The following NR2C2 variants were observed in gnomAD, a reference collection of about 807,000 sequenced individuals.
The protein encoded by NR2C2 is nuclear receptor subfamily 2 group C member 2, also known as Nuclear hormone receptor TR4.
In NR2C2, 6 loss-of-function variants were observed where a neutral mutation model predicts 62.9. The ratio of observed to expected loss-of-function variants is 0.10; its 90% CI spans 0.05 to 0.19. NR2C2 has a LOEUF of 0.19. Among genes scored for constraint, NR2C2 ranks in the 10% least tolerant of loss-of-function variants. The probability of loss-of-function intolerance (pLI) is 1.00; values close to 1 mark genes in which losing one functional copy is unlikely to be tolerated. For synonymous variants in NR2C2, 272 were observed against 273.8 expected, an observed-to-expected ratio of 0.99 and a Z score of 0.07; for missense variants, 479 against 762.7, an observed-to-expected ratio of 0.63 and a Z score of 4.38.
chr3:15,021,052 G>C lies in NR2C2; in HGVS notation c.556+120G>C. On this transcript the variant is annotated intron_variant, in intron 5 of 13. Coordinates refer to ENST00000425241, the MANE Select transcript of NR2C2 (RefSeq NM_001291694.2). ...CTTTAAGAAAAAAATATGCACTCAG[G>C]CTTCATTTTGGTTTACCTCATGGGT... is the stretch of plus-strand genomic sequence containing the variant. 6.0e-6 allele frequency: 6 copies of C among 992,760 alleles called. No individual in the cohort carries two copies. The South Asian group carries it at 1.0e-4, about 17-fold the overall frequency. The allele number at this position is 992,760 out of a possible 1,614,324, so 61.5% of individuals were successfully genotyped here.
intron 1 of NR2C2, among the ~76,000 whole-genome samples, chr3:14,992,295 C>G (rs1298355835): frequency 2.6e-5 from 4 of 151,946 alleles, no homozygotes; most frequent in African/African-American, 7.3e-5. Flanking sequence ...CATAAACCCC[C>G]CTGTGTCGGT....
intron 2 of NR2C2, chr3:15,004,492 A>G: frequency 7.0e-7 from 1 of 1,434,528 alleles, no homozygotes; most frequent in Admixed American, 2.2e-5. Flanking sequence ...TAATTATATA[A>G]TAACTTATTA....
intron 1 of NR2C2, among the ~76,000 whole-genome samples, chr3:14,980,145 C>T (rs879270338): frequency 5.9e-5 from 9 of 151,776 alleles, no homozygotes; most frequent in Admixed American, 4.6e-4. Flanking sequence ...TACTCTTTTC[C>T]GGCATTGGGG....
In NR2C2 at chr3:15,028,728, C is replaced by G; in HGVS notation, c.932+9C>G. On this transcript the variant is annotated intron_variant, in intron 8 of 13. Coordinates refer to ENST00000425241, the MANE Select transcript of NR2C2 (RefSeq NM_001291694.2). ...GCAAGTGAGATAACTCGGTACGAGC[C>G]CATGAGGATGGAGTCTCCCCTCCTC... 6.2e-7 allele frequency: 1 copy of G among 1,612,874 alleles called. No homozygotes were observed. Among genetic ancestry groups the G allele is most frequent in the Non-Finnish European group, 8.5e-7 (1 of 1,179,028 alleles).
chr3:15,020,490 A>G (rs2041641247), intron 4 of NR2C2, among the ~76,000 whole-genome samples: 1 of 152,242 alleles, frequency 6.6e-6, no homozygotes, highest in Non-Finnish European at 1.5e-5. Flanking sequence ...CACTAAGGTC[A>G]TGCCATCTGC....
chr3:14,973,552 T>C (rs1476610896), intron 1 of NR2C2, among the ~76,000 whole-genome samples: 3 of 152,178 alleles, frequency 2.0e-5, no homozygotes, highest in African/African-American at 4.8e-5. Context: ...TTTTAGAGTT[T>C]TAGCTCTACA....
rs577043208 is a variant in NR2C2 at position 14,981,690 on chromosome 3, GA to G, written c.-39-22184del. Among the ~76,000 whole-genome samples the G allele has an allele frequency of 2.5e-3, 387 of 152,066 alleles. 1 individual carries two copies. Among genetic ancestry groups the G allele is most frequent in the African/African-American group, 8.7e-3 (361 of 41,458 alleles). Reference sequence around the variant, plus strand: ...GGCCATCTGCAAGCTGAGGAGCAAGGAAGTCAGTCCGAGTCCCAAGTCCTCA... The same window carrying G: ...GGCCATCTGCAAGCTGAGGAGCAAGGAGTCAGTCCGAGTCCCAAGTCCTCA... On this transcript the variant is annotated intron_variant, in intron 1 of 13. Coordinates refer to ENST00000425241, the MANE Select transcript of NR2C2 (RefSeq NM_001291694.2).
intron 7 of NR2C2, chr3:15,026,612 G>C (rs2041828054): frequency 6.6e-6 from 1 of 152,052 alleles, no homozygotes; most frequent in South Asian, 2.1e-4. Flanking sequence ...TTTGTGGCTG[G>C]CTTCTTTCAC....
At chr3:15,017,047 C>CT (rs1411792156) in intron 4 of NR2C2, among the ~76,000 whole-genome samples, 2 of 152,202 alleles carry the variant, frequency 1.3e-5, no homozygotes, top group Non-Finnish European at 2.9e-5. Flanking sequence ...GTGATGGCTG[C>CT]TTGGTTCCAC....
rs780912261 is a variant in NR2C2, at chr3:15,030,316, G to A, written c.974G>A (p.Ser325Asn). 3 of 1,612,370 alleles carry A rather than the reference G, an allele frequency of 1.9e-6. No individual in the cohort carries two copies. The highest frequency in any genetic ancestry group is 1.3e-5 in the African/African-American group (1 of 74,840). ...TLAKALNTTD[S>N]SSSPSLADGI... The stretch of plus-strand genomic sequence containing the variant: ...GCTAAAGCACTTAATACCACAGACA[G>A]CTCCTCTTCTCCAAGCTTGGCAGAT... The change falls in exon 9 of 14, where the codon AGC becomes AAC. Residue 325 changes from serine to asparagine, a missense_variant. This residue lies in a region of NR2C2 where 151 missense variants were observed against 176.1 expected (regional missense o/e 0.86). Transcript: ENST00000425241.
At chr3:14,993,191 C>T (rs1353911458) in intron 1 of NR2C2, among the ~76,000 whole-genome samples, 2 of 152,176 alleles carry the variant, frequency 1.3e-5, no homozygotes, top group African/African-American at 2.4e-5. Context: ...TGGTGGCTCA[C>T]GTCTGTAGTC....
intron 1 of NR2C2, among the ~76,000 whole-genome samples, chr3:14,993,419 A>C (rs964669087): frequency 4.6e-5 from 7 of 151,174 alleles, no homozygotes; most frequent in Admixed American, 2.0e-4. Context: ...GCATCACTGC[A>C]CTCCAGCCTG....
intron 1 of NR2C2, among the ~76,000 whole-genome samples, chr3:14,986,712 G>GA (rs1056056833): frequency 6.6e-6 from 1 of 152,180 alleles, no homozygotes; most frequent in African/African-American, 2.4e-5. Context: ...TAGAGAATTA[G>GA]AAAATGAAAG....
At chr3:15,024,347 T>C (rs2041763144) in intron 7 of NR2C2, 139 bp downstream of exon 7, 2 of 597,128 alleles carry the variant, frequency 3.3e-6, no homozygotes, top group East Asian at 6.0e-5. Flanking sequence ...TCCTTATTGT[T>C]GTGATAGCTA....
At chr3:14,989,282 C>A (rs988088643) in intron 1 of NR2C2, among the ~76,000 whole-genome samples, 1 of 152,110 alleles carries the variant, frequency 6.6e-6, no homozygotes, top group Admixed American at 6.5e-5. Flanking sequence ...TTACAGTGTT[C>A]TTCATTTGCT....
In NR2C2 at chr3:15,014,256, C is replaced by T. The variant is rs2041438399; in HGVS notation, c.273+467C>T. 1.3e-5 allele frequency among the ~76,000 whole-genome samples: 2 copies of T among 152,328 alleles called. 1 individual carries two copies. Among genetic ancestry groups the T allele is most frequent in the South Asian group, 4.1e-4 (2 of 4,824 alleles). ...TGGGCCCCTCAATTCTTGTCTCTATCTCTGCCCTGGTTCTTCCTGCTCTGT... is the reference window on the plus strand; with the variant it reads ...TGGGCCCCTCAATTCTTGTCTCTATTTCTGCCCTGGTTCTTCCTGCTCTGT... On this transcript the variant is annotated intron_variant, in intron 3 of 13. Transcript: ENST00000425241.
rs974070512 is a variant in NR2C2 at position 15,047,495 on chromosome 3, A to C, written c.*4487A>C. On this transcript the variant is annotated 3_prime_UTR_variant, in exon 14 of 14. Coordinates refer to ENST00000425241, the MANE Select transcript of NR2C2 (RefSeq NM_001291694.2). ...TGGAAGGAACTTGGCAGTTGGGTTG[A>C]GCCATCAGCCTTCCCAGCTATTCAG... The C allele has an allele frequency of 6.6e-6, 1 of 152,226 alleles. No individual in the cohort carries two copies. The highest frequency in any genetic ancestry group is 1.5e-5 in the Non-Finnish European group (1 of 68,040). The allele number at this position is 152,226 out of a possible 1,614,324, so 9.4% of individuals were successfully genotyped here.
chr3:14,948,142 T>G (rs576709507), intron 1 of NR2C2: 1 of 148,922 alleles, frequency 6.7e-6, no homozygotes, highest in East Asian at 2.1e-4. Flanking sequence ...GGCGCAAGGG[T>G]GGGGGTGGAG....
chr3:15,009,982 C>G (rs1338763035), intron 2 of NR2C2, among the ~76,000 whole-genome samples: 1 of 152,176 alleles, frequency 6.6e-6, no homozygotes, highest in Non-Finnish European at 1.5e-5. Context: ...TAGGGCCCAC[C>G]CTAATGCAGT....
Sources: allele counts gnomAD v4.1 joint callset (sites outside exome capture counted in the v4.1 genomes callset), GRCh38; gene constraint gnomAD v4.1.1; regional missense constraint gnomAD v4.1.1; transcripts MANE v1.5; gene names NCBI Gene and HGNC (gene_info 2026-07-23, HGNC 2026-07-21).